RBM6: variants seen among roughly 807,000 people sequenced by gnomAD.
RBM6 encodes RNA binding motif protein 6.
RBM6 carries 23 observed loss-of-function variants against 140.4 expected under a neutral mutation model. The ratio of observed to expected loss-of-function variants is 0.16; its 90% confidence interval spans 0.12 to 0.23. RBM6 has a LOEUF of 0.23. Among genes scored for constraint, RBM6 ranks in the 10% least tolerant of loss-of-function variants. The probability of loss-of-function intolerance (pLI) is 1.00; values close to 1 mark genes in which losing one functional copy is unlikely to be tolerated. For synonymous variants in RBM6, 439 were observed against 475.6 expected, an observed-to-expected ratio of 0.92 and a Z score of 1.00; for missense variants, 1,139 against 1,386.7, an observed-to-expected ratio of 0.82 and a Z score of 2.84.
rs190737235 is a variant in RBM6, at chr3:50,006,261, G to C, written c.1557+6748G>C. Among the ~76,000 whole-genome samples, 1,052 of 150,760 alleles carry C rather than the reference G, an allele frequency of 7.0e-3. 15 individuals are homozygous for C. Among genetic ancestry groups the C allele is most frequent in the African/African-American group, 0.024 (1,002 of 40,990 alleles). ...AGTGATTCTCCTGCCTTAGCCTCCC[G>C]AGTAACTGGGATTACAAGCATGTGC... On this transcript the variant is annotated intron_variant, in intron 6 of 20. Coordinates refer to ENST00000266022, the MANE Select transcript of RBM6 (RefSeq NM_005777.3).
intron 6 of RBM6, among the ~76,000 whole-genome samples, chr3:50,004,312 C>T (rs1196375013): frequency 1.4e-5 from 2 of 146,976 alleles, no homozygotes; most frequent in Admixed American, 1.4e-4. Context: ...CCCCTCCCCC[C>T]CCTCCCCTCT....
At chr3:50,018,778 A>G (rs2087321899) in intron 6 of RBM6, among the ~76,000 whole-genome samples, 1 of 151,428 alleles carries the variant, frequency 6.6e-6, no homozygotes, top group African/African-American at 2.4e-5. Context: ...TTTAGTAGAG[A>G]CAGGGTTTCA....
At chr3:49,977,047 A>T (rs186049975) in intron 5 of RBM6, among the ~76,000 whole-genome samples, 1 of 152,306 alleles carries the variant, frequency 6.6e-6, no homozygotes, top group East Asian at 1.9e-4. Flanking sequence ...ACTTTTGACA[A>T]TATCAGCCAG....
At chr3:50,008,914 C>G (rs551915771) in intron 6 of RBM6, among the ~76,000 whole-genome samples, 24 of 152,270 alleles carry the variant, frequency 1.6e-4, no homozygotes, top group Admixed American at 2.0e-4. Flanking sequence ...ATCATAATAC[C>G]ACCCATAGTG....
chr3:50,061,221 T>C lies in RBM6; in HGVS notation c.2353T>C (p.Ser785Pro), dbSNP rs770345733. The C allele has an allele frequency of 6.8e-6, 11 of 1,614,016 alleles. No individual in the cohort carries two copies. Among genetic ancestry groups the C allele is most frequent in the Non-Finnish European group, 9.3e-6 (11 of 1,180,018 alleles). Residue 785 changes from serine to proline, a missense_variant and splice_region_variant, in exon 13 of 21, where the codon TCA becomes CCA. By Grantham distance (74) the Ser-to-Pro change is moderately conservative. Around this residue, in one of 9 missense-constraint regions of RBM6, gnomAD observed 163 missense variants for 182.8 expected, o/e 0.89. Coordinates refer to ENST00000266022, the MANE Select transcript of RBM6 (RefSeq NM_005777.3). ...SSDTNRQGQQ[S>P]SSDCYIYDSA... ...AGATACAAATCGACAAGGACAACAGTGTAAGTAACCTTTGTTTTATTTCTG... is the reference window on the plus strand; with the variant it reads ...AGATACAAATCGACAAGGACAACAGCGTAAGTAACCTTTGTTTTATTTCTG...
chr3:50,060,853 C>A, intron 11 of RBM6, 103 bp from the exon 12 acceptor site: 1 of 1,294,078 alleles, frequency 7.7e-7, no homozygotes. Flanking sequence ...CCTTTCCCTG[C>A]AAAATGAGGA....
At chr3:50,040,875 G>A (rs1020386373) in intron 6 of RBM6, among the ~76,000 whole-genome samples, 6 of 151,940 alleles carry the variant, frequency 3.9e-5, no homozygotes, top group African/African-American at 1.5e-4. Flanking sequence ...GAACTCCTGA[G>A]CTCAAGCAAT....
Position 50,061,555 on chromosome 3 carries a change from T to G in RBM6, c.2439+8T>G, listed in dbSNP as rs770512006. ...TATGACCCCAATACCCAGGTGAGTT[T>G]GGGGCTTTTTTTTTTTTTTTTTTTT... On this transcript the variant is annotated splice_region_variant and intron_variant, in intron 14 of 20. Transcript: ENST00000266022. The G allele has an allele frequency of 6.5e-7, 1 of 1,546,098 alleles. No homozygotes were observed. Among genetic ancestry groups the G allele is most frequent in the Non-Finnish European group, 8.6e-7 (1 of 1,160,684 alleles).
At chr3:49,984,859 G>A (rs4688690) in intron 5 of RBM6, among the ~76,000 whole-genome samples, 77,430 of 152,054 alleles carry the variant, frequency 0.51, 20,831 homozygotes, top group African/African-American at 0.64. Context: ...GCTCTGAGGA[G>A]GAGGATGCCA....
At chr3:49,964,094 A>G (rs2084403721) in intron 2 of RBM6, among the ~76,000 whole-genome samples, 1 of 151,542 alleles carries the variant, frequency 6.6e-6, no homozygotes, top group Non-Finnish European at 1.5e-5. Flanking sequence ...TTTAGTAGAG[A>G]TGGCGTTTCA....
chr3:49,957,144 T>G (rs2084029511), intron 1 of RBM6, among the ~76,000 whole-genome samples: 1 of 151,904 alleles, frequency 6.6e-6, no homozygotes, highest in Admixed American at 6.6e-5. Flanking sequence ...CCACCTGCCT[T>G]TTTTGTTTTT....
rs189828106 is a variant in RBM6 at position 50,069,714 on chromosome 3, A to G, written c.3019-741A>G. ...CAAAACCAAACAAAAGAATCCACCT[A>G]TGGAGGACTGTTAGAGATAGTGAAT... On this transcript the variant is annotated intron_variant, in intron 18 of 20. Coordinates refer to ENST00000266022, the MANE Select transcript of RBM6 (RefSeq NM_005777.3). 2.6e-5 allele frequency among the ~76,000 whole-genome samples: 4 copies of G among 152,158 alleles called. No homozygotes were observed. The East Asian group carries it at 5.8e-4, about 22-fold the overall frequency.
intron 20 of RBM6, among the ~76,000 whole-genome samples, chr3:50,076,648 G>A (rs1270223772): frequency 1.3e-5 from 2 of 151,906 alleles, no homozygotes; most frequent in African/African-American, 2.4e-5. Flanking sequence ...CACTTTGGGA[G>A]GCCAAGGTGG....
rs571689545 is a variant in RBM6 at position 49,972,933 on chromosome 3, C to A, written c.1413+785C>A. On this transcript the variant is annotated intron_variant, in intron 4 of 20. Coordinates refer to ENST00000266022, the MANE Select transcript of RBM6 (RefSeq NM_005777.3). ...GCAACCTCCACCTCCCCAGTTCAAG[C>A]AGTTCTCCTGCCGCAGCCTCCCGAG... is the stretch of plus-strand genomic sequence containing the variant. 3.3e-5 allele frequency among the ~76,000 whole-genome samples: 5 copies of A among 151,846 alleles called. No individual in the cohort carries two copies. The East Asian group carries it at 5.9e-4, about 18-fold the overall frequency.
chr3:50,030,388 A>C (rs2088085432), intron 6 of RBM6, among the ~76,000 whole-genome samples: 2 of 152,048 alleles, frequency 1.3e-5, no homozygotes, highest in African/African-American at 4.8e-5. Flanking sequence ...GGTTGGATAC[A>C]TTAAGTGTCA....
intron 5 of RBM6, among the ~76,000 whole-genome samples, chr3:49,978,038 T>C (rs902072703): frequency 6.6e-6 from 1 of 152,204 alleles, no homozygotes; most frequent in African/African-American, 2.4e-5. Context: ...TCTTACTCTG[T>C]TGCCCAGGTT....
At chr3:50,068,960 A>G (rs544966647) in intron 18 of RBM6, among the ~76,000 whole-genome samples, 196 bp downstream of exon 18, 6 of 152,364 alleles carry the variant, frequency 3.9e-5, no homozygotes, top group South Asian at 2.1e-4. Context: ...TTATACTTCA[A>G]TGAAGTTGAT....
At chr3:49,944,724 C>T (rs1466865145) in intron 1 of RBM6, among the ~76,000 whole-genome samples, 1 of 152,040 alleles carries the variant, frequency 6.6e-6, no homozygotes, top group Non-Finnish European at 1.5e-5. Context: ...GATCAACCTG[C>T]CTCGGCCTCC....
At chr3:49,950,880 G>GATGAGAT (rs1295290009) in intron 1 of RBM6, among the ~76,000 whole-genome samples, 2 of 152,048 alleles carry the variant, frequency 1.3e-5, no homozygotes, top group Admixed American at 6.6e-5. Flanking sequence ...ACAGAGTCTC[G>GATGAGAT]ATGAGATATT....
Sources: allele counts gnomAD v4.1 joint callset (sites outside exome capture counted in the v4.1 genomes callset), GRCh38; gene constraint gnomAD v4.1.1; regional missense constraint gnomAD v4.1.1; transcripts MANE v1.5; gene names NCBI Gene and HGNC (gene_info 2026-07-23, HGNC 2026-07-21).